LOC128125817: variants seen among roughly 807,000 people sequenced by gnomAD.
the LOC128125817 span, among the ~76,000 whole-genome samples, chr1:41,585,621 C>G: frequency 6.6e-6 from 1 of 152,146 alleles, no homozygotes; most frequent in Non-Finnish European, 1.5e-5. Context: ...CTGGGAACTG[C>G]AGGGTGGTTA....
chr1:41,619,513 C>A, the LOC128125817 span, among the ~76,000 whole-genome samples: 1 of 152,152 alleles, frequency 6.6e-6, no homozygotes, highest in South Asian at 2.1e-4. Context: ...CTCCAAGAGG[C>A]AGGTGTTTTG....
At chr1:41,617,128 T>C in the LOC128125817 span, among the ~76,000 whole-genome samples, 9 of 152,230 alleles carry the variant, frequency 5.9e-5, no homozygotes, top group Non-Finnish European at 8.8e-5. Context: ...AGCTGAATGA[T>C]GGACCATGGT....
chr1:41,605,183 GAGGGA>G, the LOC128125817 span, among the ~76,000 whole-genome samples: 47 of 115,638 alleles, frequency 4.1e-4, 1 homozygote, highest in East Asian at 0.011. Context: ...GAGGGGAGGG[GAGGGA>G]AGGGAAGGGA....
the LOC128125817 span, among the ~76,000 whole-genome samples, chr1:41,587,081 GTCT>G: frequency 6.6e-6 from 1 of 152,126 alleles, no homozygotes; most frequent in African/African-American, 2.4e-5. Flanking sequence ...CCATTATGGA[GTCT>G]TATAGCCAGA....
the LOC128125817 span, among the ~76,000 whole-genome samples, chr1:41,605,365 ACGCACACG>A: frequency 8.3e-3 from 1,031 of 124,422 alleles, 6 homozygotes; most frequent in African/African-American, 0.023. Context: ...ACATACACAC[ACGCACACG>A]CGCACACACA....
the LOC128125817 span, among the ~76,000 whole-genome samples, chr1:41,598,267 C>T: frequency 6.6e-6 from 1 of 152,318 alleles, no homozygotes; most frequent in Non-Finnish European, 1.5e-5. Context: ...CAGTTTCTGG[C>T]AGGTCTCTAG....
the LOC128125817 span, among the ~76,000 whole-genome samples, chr1:41,586,620 G>A: frequency 4.6e-5 from 7 of 152,158 alleles, no homozygotes; most frequent in Non-Finnish European, 7.4e-5. Context: ...GGTGTGTGAT[G>A]ATACAGACTT....
chr1:41,605,202 G>A, the LOC128125817 span, among the ~76,000 whole-genome samples: 4 of 148,500 alleles, frequency 2.7e-5, no homozygotes, highest in South Asian at 2.2e-4. Context: ...GAAGGGAAGG[G>A]AGGAAAGGAA....
chr1:41,604,837 C>T, the LOC128125817 span, among the ~76,000 whole-genome samples: 1 of 152,130 alleles, frequency 6.6e-6, no homozygotes, highest in African/African-American at 2.4e-5. Flanking sequence ...GGCACAGTGG[C>T]TCATGCCTAT....
chr1:41,616,620 C>CTTT, the LOC128125817 span, among the ~76,000 whole-genome samples: 12 of 112,462 alleles, frequency 1.1e-4, no homozygotes, highest in Non-Finnish European at 8.6e-5. Flanking sequence ...GATGGGGAGC[C>CTTT]TTTTTTTTTT....
At chr1:41,619,177 T>C in the LOC128125817 span, among the ~76,000 whole-genome samples, 1 of 152,052 alleles carries the variant, frequency 6.6e-6, no homozygotes, top group Non-Finnish European at 1.5e-5. Context: ...TTCCTTGCTG[T>C]TCCCAGCAGG....
the LOC128125817 span, among the ~76,000 whole-genome samples, chr1:41,608,669 GT>G: frequency 7.2e-5 from 11 of 152,204 alleles, no homozygotes; most frequent in Non-Finnish European, 1.5e-4. Flanking sequence ...TGATTGCTCT[GT>G]CTGTGCAATC....
At chr1:41,606,103 G>A in the LOC128125817 span, among the ~76,000 whole-genome samples, 30 of 149,694 alleles carry the variant, frequency 2.0e-4, no homozygotes, top group Non-Finnish European at 3.8e-4. Flanking sequence ...ACTTGGTTAT[G>A]GTACTGACTC....
the LOC128125817 span, among the ~76,000 whole-genome samples, chr1:41,595,480 G>T: frequency 1.4e-4 from 21 of 152,196 alleles, no homozygotes; most frequent in Admixed American, 3.9e-4. Flanking sequence ...AAGGAGTCTG[G>T]AGACTAATTC....
chr1:41,597,533 A>G, the LOC128125817 span, among the ~76,000 whole-genome samples: 1 of 152,172 alleles, frequency 6.6e-6, no homozygotes, highest in Non-Finnish European at 1.5e-5. Context: ...GGCGGGTACT[A>G]TTATCATTCC....
At chr1:41,625,263 G>A in the LOC128125817 span, among the ~76,000 whole-genome samples, 4 of 150,526 alleles carry the variant, frequency 2.7e-5, no homozygotes, top group African/African-American at 9.8e-5. Flanking sequence ...TATTGCAGCT[G>A]ATAAAGCAAG....
the LOC128125817 span, among the ~76,000 whole-genome samples, chr1:41,593,374 G>A: frequency 6.6e-6 from 1 of 151,902 alleles, no homozygotes; most frequent in Non-Finnish European, 1.5e-5. Flanking sequence ...TCTTTTTGCG[G>A]GCAGCAGCAC....
At chr1:41,609,547 G>A in the LOC128125817 span, among the ~76,000 whole-genome samples, 1 of 152,244 alleles carries the variant, frequency 6.6e-6, no homozygotes. Context: ...AGTGTACCAG[G>A]AGAAAGGGTT....
the LOC128125817 span, among the ~76,000 whole-genome samples, chr1:41,613,701 C>A: frequency 2.0e-5 from 3 of 152,176 alleles, no homozygotes; most frequent in African/African-American, 7.2e-5. Context: ...TATTGAGATA[C>A]AATTCACATA....
Sources: allele counts gnomAD v4.1 joint callset (sites outside exome capture counted in the v4.1 genomes callset), GRCh38; gene constraint gnomAD v4.1.1; transcripts MANE v1.5.